DISC1: variants seen among roughly 807,000 people sequenced by gnomAD.
The protein encoded by DISC1 is disrupted in schizophrenia 1 protein.
Under a neutral mutation model 84.5 loss-of-function variants are expected in DISC1, and 57 were observed. The observed-to-expected ratio is 0.67, with a 90% CI of 0.55 to 0.84. The LOEUF (loss-of-function observed/expected upper bound fraction) is 0.84, where lower values mean the gene tolerates loss of function less well. DISC1 is among the 40% of genes least tolerant of loss of function. DISC1 has a pLI of 0.00. For synonymous variants in DISC1, 411 were observed against 415.2 expected, an observed-to-expected ratio of 0.99 and a Z score of 0.12; for missense variants, 1,000 against 1,057.8, an observed-to-expected ratio of 0.95 and a Z score of 0.76.
intron 6 of DISC1, among the ~76,000 whole-genome samples, chr1:231,779,709 GCCA>G (rs2077246105): frequency 6.6e-6 from 1 of 151,878 alleles, no homozygotes; most frequent in East Asian, 1.9e-4. Flanking sequence ...ACAGGCACCG[GCCA>G]CCACGCCCGG....
chr1:231,926,817 G>A (rs1241480523), intron 9 of DISC1, among the ~76,000 whole-genome samples: 1 of 152,170 alleles, frequency 6.6e-6, no homozygotes, highest in East Asian at 1.9e-4. Flanking sequence ...GTGGAGAGAG[G>A]GCTCAAATGT....
At chr1:231,895,258 A>T (rs2087590743) in intron 9 of DISC1, among the ~76,000 whole-genome samples, 1 of 151,804 alleles carries the variant, frequency 6.6e-6, no homozygotes, top group Non-Finnish European at 1.5e-5. Flanking sequence ...CCTTTCAAAC[A>T]ATATTATTCC....
chr1:231,971,287 G>A (rs747578869), intron 10 of DISC1, among the ~76,000 whole-genome samples: 8 of 152,228 alleles, frequency 5.3e-5, no homozygotes, highest in Admixed American at 2.6e-4. Flanking sequence ...TTAATGATTC[G>A]AGGAAGCGTC....
intron 10 of DISC1, among the ~76,000 whole-genome samples, chr1:231,975,127 A>G (rs1662609103): frequency 6.6e-6 from 1 of 152,058 alleles, no homozygotes; most frequent in Non-Finnish European, 1.5e-5. Context: ...AATAACAACA[A>G]CAACAACAAC....
intron 11 of DISC1, among the ~76,000 whole-genome samples, chr1:232,011,658 T>A (rs849349): frequency 0.48 from 72,982 of 152,058 alleles, 20,358 homozygotes; most frequent in African/African-American, 0.79. Context: ...TTGGGGGCGG[T>A]TGATAGAAGT....
intron 9 of DISC1, among the ~76,000 whole-genome samples, chr1:231,910,656 T>A (rs2089124484): frequency 6.6e-6 from 1 of 152,174 alleles, no homozygotes; most frequent in African/African-American, 2.4e-5. Flanking sequence ...ATTCTGTTGA[T>A]TTGGGGTGGA....
chr1:231,914,263 C>T (rs754174608), intron 9 of DISC1, among the ~76,000 whole-genome samples: 3 of 152,236 alleles, frequency 2.0e-5, no homozygotes, highest in Non-Finnish European at 4.4e-5. Context: ...CTCAGAAGCT[C>T]AACCAGTAGC....
rs778065122 is a variant in DISC1, at chr1:231,912,829, TTTC to T, written c.1982-45990_1982-45988del. 1.6e-4 allele frequency among the ~76,000 whole-genome samples: 24 copies of T among 151,764 alleles called. 1 individual carries two copies. The East Asian group carries it at 2.1e-3, about 14-fold the overall frequency. On this transcript the variant is annotated intron_variant, in intron 9 of 12. Transcript: ENST00000439617. ...TCTTTTTCTTTCCTTGCTTCCTTCC[TTTC>T]TTCTTCTTTTTCTTCTTCTCCTCCT...
chr1:231,908,220 T>C (rs530298657), intron 9 of DISC1, among the ~76,000 whole-genome samples: 1 of 152,352 alleles, frequency 6.6e-6, no homozygotes, highest in Non-Finnish European at 1.5e-5. Flanking sequence ...TTGCCGTTGC[T>C]TTTGGTGTTT....
chr1:231,886,827 CTTT>C (rs1473956647), intron 9 of DISC1, among the ~76,000 whole-genome samples: 9 of 125,752 alleles, frequency 7.2e-5, no homozygotes, highest in Non-Finnish European at 3.4e-5. Context: ...TTCTTTCTTT[CTTT>C]CTTTCCTTCT....
intron 10 of DISC1, among the ~76,000 whole-genome samples, chr1:231,974,946 A>G (rs1386375863): frequency 6.6e-6 from 1 of 152,014 alleles, no homozygotes; most frequent in African/African-American, 2.4e-5. Flanking sequence ...TAAAAATACA[A>G]AAAATTAGCT....
intron 7 of DISC1, among the ~76,000 whole-genome samples, chr1:231,795,624 C>A (rs1047713304): frequency 4.6e-5 from 7 of 152,334 alleles, no homozygotes; most frequent in African/African-American, 9.6e-5. Flanking sequence ...TGCGGTGGCT[C>A]ACGCCTGTAA....
At chr1:231,804,384 A>C (rs963862434) in intron 8 of DISC1, among the ~76,000 whole-genome samples, 1 of 152,128 alleles carries the variant, frequency 6.6e-6, no homozygotes, top group Non-Finnish European at 1.5e-5. Flanking sequence ...GAAAAATATC[A>C]TGGAGCATCT....
chr1:231,791,890 G>A (rs1046006131), intron 6 of DISC1, among the ~76,000 whole-genome samples: 20 of 152,136 alleles, frequency 1.3e-4, no homozygotes, highest in Admixed American at 7.2e-4. Flanking sequence ...GTGTATGTTT[G>A]GGGGACTAAT....
chr1:231,792,792 T>G (rs889671460), intron 6 of DISC1, among the ~76,000 whole-genome samples: 1 of 152,174 alleles, frequency 6.6e-6, no homozygotes, highest in Non-Finnish European at 1.5e-5. Flanking sequence ...TTATGTTCTC[T>G]CAAAAGATCC....
At chr1:231,797,845 CAATTTTATTTGTAAATAAA>C (rs1485460685) in intron 7 of DISC1, among the ~76,000 whole-genome samples, 2 of 151,874 alleles carry the variant, frequency 1.3e-5, no homozygotes, top group African/African-American at 4.8e-5. Context: ...CCTTGGTGTC[CAATTTTATTTGTAAATAAA>C]AAGGATACAC....
chr1:231,968,667 C>T (rs1004226804), intron 10 of DISC1, among the ~76,000 whole-genome samples: 3 of 151,922 alleles, frequency 2.0e-5, no homozygotes, highest in African/African-American at 7.3e-5. Flanking sequence ...TTCTGTTTCC[C>T]TATGTAATGA....
At chr1:231,702,467 C>A in intron 3 of DISC1, 1 of 986,970 alleles carries the variant, frequency 1.0e-6, no homozygotes, top group South Asian at 4.7e-5. Flanking sequence ...TCTCTGACTT[C>A]ATAATTTCCA....
intron 4 of DISC1, among the ~76,000 whole-genome samples, chr1:231,759,037 C>T (rs376789857): frequency 6.6e-6 from 1 of 152,102 alleles, no homozygotes; most frequent in African/African-American, 2.4e-5. Context: ...CATGGTTTTC[C>T]AGTGGGGCTT....
Sources: allele counts gnomAD v4.1 joint callset (sites outside exome capture counted in the v4.1 genomes callset), GRCh38; gene constraint gnomAD v4.1.1; transcripts MANE v1.5; gene names NCBI Gene and HGNC (gene_info 2026-07-23, HGNC 2026-07-21).